The following RNLS variants were observed in gnomAD, a reference collection of about 807,000 sequenced individuals.
RNLS encodes the protein renalase, FAD dependent amine oxidase.
Under a neutral mutation model 39.8 loss-of-function variants are expected in RNLS, and 39 were observed. That is an observed-to-expected ratio of 0.98 (90% confidence interval 0.76 to 1.28). The LOEUF (loss-of-function observed/expected upper bound fraction) is 1.28. Ranked by LOEUF, RNLS falls within the 50% of genes most tolerant of loss-of-function variation. The probability of loss-of-function intolerance (pLI) is 0.00; values close to 1 mark genes in which losing one functional copy is unlikely to be tolerated. For missense variants in RNLS, 410 were observed against 413.3 expected (o/e 0.99, Z 0.07); for synonymous variants, 147 against 150.7 (o/e 0.98, Z 0.18).
intron 6 of RNLS, among the ~76,000 whole-genome samples, chr10:88,301,915 G>C (rs1445121085): frequency 6.6e-6 from 1 of 152,194 alleles, no homozygotes; most frequent in African/African-American, 2.4e-5. Context: ...CAAGAAAAGA[G>C]AGCAACGAAC....
intron 4 of RNLS, among the ~76,000 whole-genome samples, chr10:88,414,231 G>GA (rs1312050423): frequency 1.5e-5 from 2 of 134,172 alleles, no homozygotes; most frequent in Non-Finnish European, 3.1e-5. Context: ...GTGAGCATAC[G>GA]AAAAAAAGTG....
At chr10:88,323,860 G>C (rs1846365043) in intron 5 of RNLS, among the ~76,000 whole-genome samples, 1 of 151,964 alleles carries the variant, frequency 6.6e-6, no homozygotes, top group Non-Finnish European at 1.5e-5. Flanking sequence ...GAATCTATAA[G>C]GAGCTTATAC....
intron 5 of RNLS, among the ~76,000 whole-genome samples, chr10:88,354,612 G>A (rs1849002237): frequency 6.6e-6 from 1 of 152,154 alleles, no homozygotes; most frequent in South Asian, 2.1e-4. Flanking sequence ...TTCCCCTTGA[G>A]GGTAACCGGA....
chr10:88,474,361 C>T (rs1484582212), intron 4 of RNLS, among the ~76,000 whole-genome samples: 1 of 152,132 alleles, frequency 6.6e-6, no homozygotes, highest in African/African-American at 2.4e-5. Flanking sequence ...CAGGAGAATT[C>T]TTTGTTGCGT....
downstream of RNLS, among the ~76,000 whole-genome samples, chr10:88,281,161 CT>C (rs1315210897): frequency 6.6e-6 from 1 of 152,140 alleles, no homozygotes; most frequent in Non-Finnish European, 1.5e-5. Flanking sequence ...TTTGCTGAGA[CT>C]TTTTTCTCCT....
chr10:88,524,956 C>CACACACACACACATATATAT (rs768939981), intron 4 of RNLS, among the ~76,000 whole-genome samples: 1 of 76,294 alleles, frequency 1.3e-5, no homozygotes, highest in South Asian at 5.4e-4. Flanking sequence ...ATGGCACACA[C>CACACACACACACATATATAT]ATACATATAT....
intron 4 of RNLS, among the ~76,000 whole-genome samples, chr10:88,523,068 G>A (rs1416597432): frequency 6.6e-6 from 1 of 152,036 alleles, no homozygotes; most frequent in Admixed American, 6.6e-5. Flanking sequence ...AGGGAAGAGG[G>A]AGCAATTCTA....
chr10:88,480,244 T>C (rs1029475563), intron 4 of RNLS, among the ~76,000 whole-genome samples: 18 of 152,258 alleles, frequency 1.2e-4, no homozygotes, highest in Non-Finnish European at 2.6e-4. Context: ...ATCAATTAAG[T>C]ACAAGTTCTT....
At chr10:88,512,472 GGTA>G (rs201141097) in intron 4 of RNLS, among the ~76,000 whole-genome samples, 3,353 of 152,156 alleles carry the variant, frequency 0.022, 64 homozygotes, top group Middle Eastern at 0.044. Flanking sequence ...AAACAACATA[GGTA>G]ATACAGGCTC....
chr10:88,203,360 ATGTG>A, the RNLS span, among the ~76,000 whole-genome samples: 44 of 9,258 alleles, frequency 4.8e-3, 14 homozygotes, highest in African/African-American at 0.029. Context: ...ATATATACGT[ATGTG>A]TGTGTATATA....
intron 5 of RNLS, among the ~76,000 whole-genome samples, chr10:88,359,683 A>T (rs1256957133): frequency 6.6e-6 from 1 of 152,228 alleles, no homozygotes; most frequent in Non-Finnish European, 1.5e-5. Flanking sequence ...ATGATTGCTG[A>T]TATAAAAAAT....
chr10:88,462,605 A>T (rs916412295), intron 4 of RNLS, among the ~76,000 whole-genome samples: 1 of 151,990 alleles, frequency 6.6e-6, no homozygotes, highest in Non-Finnish European at 1.5e-5. Flanking sequence ...CTAATGGAGG[A>T]GTCAGGCATT....
intron 4 of RNLS, among the ~76,000 whole-genome samples, chr10:88,425,747 G>C (rs1283857270): frequency 1.3e-5 from 2 of 152,030 alleles, no homozygotes; most frequent in African/African-American, 4.8e-5. Context: ...TGCTATAGAA[G>C]GTTAGAAAAA....
intron 4 of RNLS, among the ~76,000 whole-genome samples, chr10:88,408,245 CTTT>C (rs1853411078): frequency 6.6e-6 from 1 of 151,858 alleles, no homozygotes; most frequent in Non-Finnish European, 1.5e-5. Flanking sequence ...TATTTTCTTC[CTTT>C]TTTTGTTTCC....
At chr10:88,395,579 G>C (rs1355646183) in intron 4 of RNLS, among the ~76,000 whole-genome samples, 9 of 151,970 alleles carry the variant, frequency 5.9e-5, no homozygotes, top group Admixed American at 3.3e-4. Context: ...AAAAAAGAAT[G>C]AGGAAAAATG....
At chr10:88,283,025 G>A (rs745386584), downstream of RNLS, among the ~76,000 whole-genome samples, 59 of 152,264 alleles carry the variant, frequency 3.9e-4, no homozygotes, top group African/African-American at 1.0e-3. Context: ...GTGTGGCCCC[G>A]TGGGGCTAAC....
chr10:88,251,920 TG>T, the RNLS span, among the ~76,000 whole-genome samples: 2 of 152,184 alleles, frequency 1.3e-5, no homozygotes, highest in African/African-American at 4.8e-5. Flanking sequence ...CCTCTTCCAA[TG>T]GTGCACCACA....
chr10:88,583,312 G>C lies in RNLS; in HGVS notation c.-122C>G. 6.8e-7 allele frequency: 1 copy of C among 1,464,858 alleles called. No individual in the cohort carries two copies. Among genetic ancestry groups the C allele is most frequent in the Non-Finnish European group, 9.0e-7 (1 of 1,115,518 alleles). The allele number at this position is 1,464,858 out of a possible 1,614,324, so 90.7% of individuals were successfully genotyped here. A position where few individuals can be genotyped will look rare whatever the true frequency, so the allele number is the denominator to read the frequency against. The stretch of plus-strand genomic sequence containing the variant: ...GGTTCCGTGCTCCCTGGGCCGACCT[G>C]GGCCCTGAGCTTTCCTCCGGCCGGC... On this transcript the variant is annotated 5_prime_UTR_variant, in exon 1 of 7. Coordinates refer to ENST00000331772, the MANE Select transcript of RNLS (RefSeq NM_001031709.3).
At chr10:88,495,777 G>A (rs1845139063) in intron 4 of RNLS, among the ~76,000 whole-genome samples, 1 of 152,140 alleles carries the variant, frequency 6.6e-6, no homozygotes, top group South Asian at 2.1e-4. Flanking sequence ...CAAAGCCCAA[G>A]TGACAAGGAA....
Sources: gnomAD v4.1 joint callset for allele counts (sites outside exome capture counted in the v4.1 genomes callset) on GRCh38, gnomAD v4.1.1 for gene constraint, MANE v1.5 for transcripts, NCBI Gene and HGNC (gene_info 2026-07-23, HGNC 2026-07-21) for gene names.